Variants in CSMD1 observed in about 807,000 individuals in gnomAD.
CSMD1 encodes the protein CUB and Sushi multiple domains 1.
In CSMD1, 213 loss-of-function variants were observed where a neutral mutation model predicts 417.5. That is an observed-to-expected ratio of 0.51 (90% CI 0.46 to 0.57). The LOEUF is 0.57. Ranked by LOEUF, CSMD1 falls within the 20% of genes least tolerant of loss-of-function variation. The pLI is 0.00. For synonymous variants in CSMD1, 2,862 were observed against 1,736.8 expected (o/e 1.65, Z -16.11); for missense variants, 6,923 against 4,529.7 (o/e 1.53, Z -15.17).
chr8:3,124,911 C>T (rs748682044), intron 41 of CSMD1, among the ~76,000 whole-genome samples: 2 of 152,176 alleles, frequency 1.3e-5, no homozygotes, highest in African/African-American at 4.8e-5. Flanking sequence ...CTATTGTAAA[C>T]TATACACTAA....
intron 3 of CSMD1, among the ~76,000 whole-genome samples, chr8:4,098,113 G>C (rs1415263718): frequency 1.3e-5 from 2 of 152,134 alleles, no homozygotes; most frequent in East Asian, 1.9e-4. Flanking sequence ...GAATTAAGAT[G>C]ATCTTTCACT....
At chr8:4,587,052 C>A (rs1215892823) in intron 2 of CSMD1, among the ~76,000 whole-genome samples, 1 of 152,160 alleles carries the variant, frequency 6.6e-6, no homozygotes, top group African/African-American at 2.4e-5. Context: ...GCTTTCATCT[C>A]TTTTAATCCA....
At chr8:4,740,379 A>G (rs1232789286) in intron 1 of CSMD1, among the ~76,000 whole-genome samples, 4 of 152,164 alleles carry the variant, frequency 2.6e-5, no homozygotes, top group Admixed American at 2.6e-4. Flanking sequence ...GAAATACAGT[A>G]TTAGAATGAG....
At position 4,356,937 on chromosome 8, in the gene CSMD1, T is replaced by A. The variant is rs537963845; in HGVS notation, c.415+63016A>T. Among the ~76,000 whole-genome samples the A allele has an allele frequency of 1.0e-3, 154 of 152,340 alleles. 1 individual carries two copies. Among genetic ancestry groups the A allele is most frequent in the African/African-American group, 3.6e-3 (148 of 41,578 alleles). On this transcript the variant is annotated intron_variant, in intron 3 of 69. Coordinates refer to ENST00000635120, the MANE Select transcript of CSMD1 (RefSeq NM_033225.6). ...AAACATATTACTTTTTAAATGTCAA[T>A]ATGTGAAATATAATAGCAACTGAAA...
At position 3,223,804 on chromosome 8, in the gene CSMD1, G is replaced by A. The variant is rs759189234; in HGVS notation, c.4409C>T (p.Pro1470Leu). 2.6e-5 allele frequency: 42 copies of A among 1,613,722 alleles called. No homozygotes were observed. In the South Asian group the frequency reaches 3.3e-4, roughly 13 times the overall value. ...GTCACATTCCTTCCCAGGAGGATAC[G>A]GCTGTGGGTAGTTGGGTGACAAAAT... ...GVILSPNYPQ[P>L]YPPGKECDWR... The change falls in exon 28 of 70, where the codon CCG becomes CTG. Residue 1470 changes from proline to leucine, a missense_variant. By Grantham distance (98) the Pro-to-Leu change is moderately conservative (BLOSUM62 -3). Transcript: ENST00000635120.
chr8:3,284,307 G>C lies in CSMD1; in HGVS notation c.3990C>G (p.Asp1330Glu). The change falls in exon 26 of 70, where the codon GAC becomes GAG. Residue 1330 changes from aspartate to glutamate, a missense_variant. Coordinates refer to ENST00000635120, the MANE Select transcript of CSMD1 (RefSeq NM_033225.6). The part of the protein sequence containing the change: ...FIVFDTEMAH[D>E]ILKVWDGPVD... ...CCGGCCCGTCCCAGACCTTGAGGAT[G>C]TCGTGAGCCATCTCCGTGTCGAAAA... The C allele has an allele frequency of 6.2e-7, 1 of 1,613,922 alleles. No individual in the cohort carries two copies. Among genetic ancestry groups the C allele is most frequent in the East Asian group, 2.2e-5 (1 of 44,872 alleles).
At chr8:3,506,463 G>A (rs766718233) in intron 10 of CSMD1, among the ~76,000 whole-genome samples, 4 of 152,154 alleles carry the variant, frequency 2.6e-5, no homozygotes, top group Non-Finnish European at 5.9e-5. Flanking sequence ...ACTGGTCATG[G>A]CCAGAAAGGG....
chr8:3,021,195 G>A (rs1250186043), intron 51 of CSMD1, among the ~76,000 whole-genome samples: 1 of 152,160 alleles, frequency 6.6e-6, no homozygotes, highest in African/African-American at 2.4e-5. Context: ...TATTGTTGAA[G>A]CCTCTGTTAA....
At chr8:4,279,648 G>C (rs551152480) in intron 3 of CSMD1, among the ~76,000 whole-genome samples, 42 of 152,252 alleles carry the variant, frequency 2.8e-4, no homozygotes, top group African/African-American at 9.6e-4. Flanking sequence ...TAACTCATTC[G>C]AGTATCTTAA....
chr8:4,961,722 CTGA>C (rs1222638548), intron 1 of CSMD1, among the ~76,000 whole-genome samples: 1 of 151,946 alleles, frequency 6.6e-6, no homozygotes, highest in African/African-American at 2.4e-5. Context: ...TTTTATTTGG[CTGA>C]TATTTTTCTG....
At chr8:3,007,601 A>G (rs1312606575) in intron 52 of CSMD1, among the ~76,000 whole-genome samples, 2 of 151,446 alleles carry the variant, frequency 1.3e-5, no homozygotes, top group Non-Finnish European at 1.5e-5. Flanking sequence ...ATAAAAAATG[A>G]TGAGTTCGTG....
At chr8:4,136,704 A>G (rs1417606002) in intron 3 of CSMD1, among the ~76,000 whole-genome samples, 1 of 152,302 alleles carries the variant, frequency 6.6e-6, no homozygotes, top group Middle Eastern at 3.4e-3. Flanking sequence ...AGACTACGTA[A>G]CATCTTATGT....
chr8:4,716,098 C>T (rs1808636444), intron 1 of CSMD1, among the ~76,000 whole-genome samples: 1 of 152,176 alleles, frequency 6.6e-6, no homozygotes, highest in Non-Finnish European at 1.5e-5. Context: ...GGCAGGGACT[C>T]TTAGTCGGGA....
rs59445989 is a variant in CSMD1, at chr8:3,258,651, G to A, written c.4153+25493C>T. On this transcript the variant is annotated intron_variant, in intron 26 of 69. Transcript: ENST00000635120. ...AAAGACACATGCATGCATATGTTCAGTGCAGCACTATTCACCACAGCAAAG... is the reference window on the plus strand; with the variant it reads ...AAAGACACATGCATGCATATGTTCAATGCAGCACTATTCACCACAGCAAAG... Among the ~76,000 whole-genome samples the A allele has an allele frequency of 3.5e-3, 531 of 152,248 alleles. 8 individuals are homozygous for A. Among genetic ancestry groups the A allele is most frequent in the African/African-American group, 0.012 (510 of 41,526 alleles).
chr8:4,277,359 G>C (rs58381114), intron 3 of CSMD1, among the ~76,000 whole-genome samples: 1 of 151,992 alleles, frequency 6.6e-6, no homozygotes, highest in Non-Finnish European at 1.5e-5. Context: ...CTCCTCTTTC[G>C]TGCCTCATCT....
intron 1 of CSMD1, among the ~76,000 whole-genome samples, chr8:4,653,164 G>A (rs1192056241): frequency 6.6e-6 from 1 of 152,140 alleles, no homozygotes; most frequent in African/African-American, 2.4e-5. Context: ...TAGACTCTTA[G>A]GTGTTGAGTG....
At chr8:4,528,526 T>A (rs1289994314) in intron 2 of CSMD1, among the ~76,000 whole-genome samples, 2 of 152,192 alleles carry the variant, frequency 1.3e-5, no homozygotes, top group Non-Finnish European at 2.9e-5. Context: ...TAACAATACT[T>A]TGCTGTGTAC....
chr8:4,358,449 G>T (rs532870919), intron 3 of CSMD1, among the ~76,000 whole-genome samples: 8 of 152,332 alleles, frequency 5.3e-5, no homozygotes, highest in Admixed American at 3.3e-4. Context: ...CACACAGTCG[G>T]CCTGGGGGGA....
intron 16 of CSMD1, among the ~76,000 whole-genome samples, chr8:3,396,640 C>G (rs1238345920): frequency 2.6e-5 from 4 of 152,008 alleles, no homozygotes; most frequent in Admixed American, 1.3e-4. Context: ...GGCCTTTATT[C>G]AGCTTAAACA....
Sources: gnomAD v4.1 joint callset for allele counts (sites outside exome capture counted in the v4.1 genomes callset) on GRCh38, gnomAD v4.1.1 for gene constraint, MANE v1.5 for transcripts, NCBI Gene and HGNC (gene_info 2026-07-23, HGNC 2026-07-21) for gene names.